XG: variants seen among roughly 807,000 people sequenced by gnomAD.
The protein encoded by XG is Xg glycoprotein (Xg blood group).
Under a neutral mutation model 25.7 loss-of-function variants are expected in XG, and 24 were observed. The ratio of observed to expected loss-of-function variants is 0.93; its 90% CI spans 0.68 to 1.31. The LOEUF (loss-of-function observed/expected upper bound fraction) is 1.31. Among genes scored for constraint, XG ranks in the 40% most tolerant of loss-of-function variants. The pLI is 0.00. For missense variants in XG, 181 were observed against 187.6 expected (o/e 0.96, Z 0.21); for synonymous variants, 77 against 69.2 (o/e 1.11, Z -0.56).
chrX:2,755,235 G>A (rs2050409488), intron 1 of XG, among the ~76,000 whole-genome samples: 1 of 152,208 alleles, frequency 6.6e-6, no homozygotes. Context: ...ATAAAAGAAT[G>A]GCTATTCCGC....
chrX:2,799,886 A>G (rs2086919094), intron 7 of XG, among the ~76,000 whole-genome samples: 2 of 111,819 alleles, frequency 1.8e-5, no homozygotes, highest in Admixed American at 9.6e-5. Context: ...AAATGAGAAC[A>G]CATGGTATTT....
intron 4 of XG, among the ~76,000 whole-genome samples, chrX:2,784,360 A>G (rs1335481277): frequency 9.0e-6 from 1 of 110,647 alleles, no homozygotes; most frequent in Non-Finnish European, 1.9e-5. Flanking sequence ...AGGCTGGTGG[A>G]TCACCTGAGG....
chrX:2,813,665 A>T (rs1397756478), intron 10 of XG, among the ~76,000 whole-genome samples: 1 of 112,797 alleles, frequency 8.9e-6, no homozygotes, highest in Admixed American at 9.4e-5. Flanking sequence ...AGCTACACAG[A>T]TAGAAGCAGA....
intron 7 of XG, among the ~76,000 whole-genome samples, chrX:2,803,320 T>G (rs1020150364): frequency 1.8e-5 from 2 of 110,585 alleles, no homozygotes; most frequent in African/African-American, 6.6e-5. Flanking sequence ...CCCAGCTAAA[T>G]TTTTAAGAAA....
In XG at chrX:2,774,708, G is replaced by T. The variant is rs759009112; in HGVS notation, c.104-8G>T. ...CATATTGCATTTATTTTCTCTCTTT[G>T]TTCACAGAACCCACCAAGAAGCCAA... On this transcript the variant is annotated splice_polypyrimidine_tract_variant and splice_region_variant and intron_variant, in intron 2 of 10. Transcript: ENST00000644266. 8.1e-6 allele frequency: 13 copies of T among 1,613,412 alleles called. No homozygotes were observed. Among genetic ancestry groups the T allele is most frequent in the Non-Finnish European group, 1.0e-5 (12 of 1,179,774 alleles).
intron 7 of XG, among the ~76,000 whole-genome samples, chrX:2,799,355 G>A (rs1392235946): frequency 9.0e-6 from 1 of 111,333 alleles, no homozygotes; most frequent in East Asian, 2.8e-4. Flanking sequence ...CAAAGTTAAG[G>A]TTAAGGGCGC....
At position 2,814,684 on chromosome X, in the gene XG, A is replaced by C; in HGVS notation, c.*304A>C. The C allele has an allele frequency of 3.8e-6, 1 of 261,594 alleles. No individual in the cohort carries two copies. The highest frequency in any genetic ancestry group is 6.7e-6 in the Non-Finnish European group (1 of 150,140). 21.6% of individuals were successfully genotyped at this position (261,594 alleles called of 1,213,427 possible). A position where few individuals can be genotyped will look rare whatever the true frequency, so the allele number is the denominator to read the frequency against. On this transcript the variant is annotated 3_prime_UTR_variant, in exon 11 of 11. Coordinates refer to ENST00000644266, the MANE Select transcript of XG (RefSeq NM_001141919.2). ...CTGTTGTGAGATCTTCAGCTACCTC[A>C]TGGTGCAATAACACACACACGCTTA...
intron 1 of XG, among the ~76,000 whole-genome samples, chrX:2,758,025 G>A (rs1414838599): frequency 6.7e-6 from 1 of 148,440 alleles, no homozygotes; most frequent in Non-Finnish European, 1.5e-5. Context: ...GATCGCCTAA[G>A]GTGAGAAGCC....
chrX:2,781,050 G>A (rs2051108566), intron 3 of XG, among the ~76,000 whole-genome samples: 1 of 151,980 alleles, frequency 6.6e-6, no homozygotes, highest in Non-Finnish European at 1.5e-5. Context: ...CTTGGAAACT[G>A]AGAGTGGAAG....
intron 4 of XG, among the ~76,000 whole-genome samples, chrX:2,783,000 G>C (rs1263169608): frequency 9.0e-6 from 1 of 111,643 alleles, no homozygotes; most frequent in Non-Finnish European, 1.9e-5. Flanking sequence ...TTAAAGGTTA[G>C]AAGCAAGATG....
chrX:2,790,121 TCCTCTG>T (rs2086823059), intron 5 of XG, among the ~76,000 whole-genome samples: 1 of 111,567 alleles, frequency 9.0e-6, no homozygotes, highest in East Asian at 2.8e-4. Flanking sequence ...CCTCAAGCAA[TCCTCTG>T]CCTCAGCCTC....
intron 1 of XG, among the ~76,000 whole-genome samples, chrX:2,756,952 G>A (rs1441710217): frequency 6.6e-6 from 1 of 152,182 alleles, no homozygotes; most frequent in Non-Finnish European, 1.5e-5. Context: ...CCAGCTCAGT[G>A]CCGTCTTGGT....
chrX:2,797,349 A>G lies in XG; in HGVS notation c.362A>G (p.Asp121Gly). 8.3e-7 allele frequency: 1 copy of G among 1,210,095 alleles called. No homozygotes were observed. Among genetic ancestry groups the G allele is most frequent in the Non-Finnish European group, 1.1e-6 (1 of 894,983 alleles). Residue 121 changes from aspartate to glycine, a missense_variant, in exon 7 of 11, where the codon GAC becomes GGC. By Grantham distance (94) the Asp-to-Gly change is moderately conservative (BLOSUM62 -1). Transcript: ENST00000644266. ...GGGYSSYGNS[D>G]NTHGRGGYRL... is the part of the protein sequence containing the mutation. ...GGCTACTCCAGTTATGGCAACTCCGACAACACGCACGGTACCCCTACATCT... is the reference window on the plus strand; with the variant it reads ...GGCTACTCCAGTTATGGCAACTCCGGCAACACGCACGGTACCCCTACATCT...
intron 9 of XG, 99 bp downstream of exon 9, chrX:2,808,319 T>A: frequency 9.6e-7 from 1 of 1,045,126 alleles, no homozygotes; most frequent in Non-Finnish European, 1.3e-6. Flanking sequence ...CCCAACCTCA[T>A]GACTTTCACG....
intron 1 of XG, among the ~76,000 whole-genome samples, chrX:2,767,086 G>A (rs1320121964): frequency 6.6e-6 from 1 of 152,032 alleles, no homozygotes; most frequent in Non-Finnish European, 1.5e-5. Flanking sequence ...GCTGAGGCCT[G>A]CACTTGGCGG....
chrX:2,813,568 T>C (rs2087077296), intron 10 of XG, among the ~76,000 whole-genome samples: 1 of 112,310 alleles, frequency 8.9e-6, no homozygotes, highest in South Asian at 3.7e-4. Flanking sequence ...GGTGATGTGG[T>C]GCAGTGCACA....
intron 10 of XG, 64 bp from the exon 11 acceptor site, chrX:2,814,300 C>T: frequency 9.0e-7 from 1 of 1,114,167 alleles, no homozygotes. Context: ...TTTTCTTTTT[C>T]TCTGTTTAAT....
intron 10 of XG, among the ~76,000 whole-genome samples, chrX:2,812,248 G>A (rs62582275): frequency 0.53 from 58,015 of 110,271 alleles, 13,330 homozygotes; most frequent in Non-Finnish European, 0.73. Context: ...ATAGGGGAGA[G>A]GAAAGATCTG....
At chrX:2,765,386 G>GAAGGAAGGAAGGAAGGAAGGAAGGAAGA (rs2050661779) in intron 1 of XG, among the ~76,000 whole-genome samples, 1 of 150,226 alleles carries the variant, frequency 6.7e-6, no homozygotes, top group Non-Finnish European at 1.5e-5. Context: ...GGGAAGGAAG[G>GAAGGAAGGAAGGAAGGAAGGAAGGAAGA]AAGGAAGGAA....
Sources: gnomAD v4.1 joint callset for allele counts (sites outside exome capture counted in the v4.1 genomes callset) on GRCh38, gnomAD v4.1.1 for gene constraint, MANE v1.5 for transcripts, NCBI Gene and HGNC (gene_info 2026-07-23, HGNC 2026-07-21) for gene names.